The following C2orf80 variants were observed in gnomAD, a reference collection of about 807,000 sequenced individuals.
The protein encoded by C2orf80 is chromosome 2 open reading frame 80.
In C2orf80, 28 loss-of-function variants were observed where a neutral mutation model predicts 30.2. The observed-to-expected ratio is 0.93, with a 90% CI of 0.69 to 1.27. The LOEUF is 1.27. C2orf80 is among the 50% of genes most tolerant of loss of function. The probability of loss-of-function intolerance (pLI) is 0.00; values close to 1 mark genes in which losing one functional copy is unlikely to be tolerated. For synonymous variants in C2orf80, 80 were observed against 76.4 expected, an observed-to-expected ratio of 1.05 and a Z score of -0.24; for missense variants, 220 against 231.0, an observed-to-expected ratio of 0.95 and a Z score of 0.31.
chr2:208,171,522 T>C (rs1696098186), intron 7 of C2orf80, among the ~76,000 whole-genome samples: 1 of 152,180 alleles, frequency 6.6e-6, no homozygotes, highest in Non-Finnish European at 1.5e-5. Context: ...GGTTTCACCG[T>C]GTTGGCCAGG....
chr2:208,183,135 G>A, intron 3 of C2orf80, 88 bp from the exon 4 acceptor site: 2 of 994,470 alleles, frequency 2.0e-6, no homozygotes, highest in East Asian at 2.4e-5. Context: ...GGACTGCTAA[G>A]CCTATTCTAG....
chr2:208,187,194 A>C, intron 1 of C2orf80, 133 bp from the exon 2 acceptor site: 2 of 537,052 alleles, frequency 3.7e-6, no homozygotes. Flanking sequence ...GTTCAGGGTC[A>C]AAAAGCCACC....
chr2:208,165,392 A>G lies in C2orf80; in HGVS notation c.*415T>C, dbSNP rs1464157032. 1.3e-5 allele frequency: 2 copies of G among 159,468 alleles called. No homozygotes were observed. The highest frequency in any genetic ancestry group is 4.8e-5 in the African/African-American group (2 of 41,602). The allele number at this position is 159,468 out of a possible 1,614,324, so 9.9% of individuals were successfully genotyped here. The stretch of plus-strand genomic sequence containing the variant: ...TTGAAATGATTTAAACATTCTTTTC[A>G]TATGAGAACACAGTAAAGGCAATCA... On this transcript the variant is annotated 3_prime_UTR_variant, in exon 9 of 9. Coordinates refer to ENST00000341287, the MANE Select transcript of C2orf80 (RefSeq NM_001099334.3).
At chr2:208,170,804 T>C in intron 8 of C2orf80, 141 bp downstream of exon 8, 2 of 686,860 alleles carry the variant, frequency 2.9e-6, no homozygotes, top group Non-Finnish European at 5.2e-6. Context: ...TTGCCTGATG[T>C]CCCATAGCTG....
At chr2:208,180,575 G>A (rs1696524363) in intron 6 of C2orf80, among the ~76,000 whole-genome samples, 170 bp downstream of exon 6, 1 of 152,088 alleles carries the variant, frequency 6.6e-6, no homozygotes, top group Non-Finnish European at 1.5e-5. Context: ...CATATGAAAG[G>A]CATTTCACAC....
At chr2:208,174,462 G>T (rs114393583) in intron 6 of C2orf80, among the ~76,000 whole-genome samples, 2,539 of 152,270 alleles carry the variant, frequency 0.017, 64 homozygotes, top group African/African-American at 0.058. Flanking sequence ...AGGAAGGAGG[G>T]TGGTCATCCC....
At chr2:208,182,797 T>C (rs886796881) in intron 4 of C2orf80, among the ~76,000 whole-genome samples, 168 bp downstream of exon 4, 5 of 152,202 alleles carry the variant, frequency 3.3e-5, no homozygotes, top group African/African-American at 9.6e-5. Context: ...CTTCTTCAAG[T>C]TGGCAACTGT....
At chr2:208,180,115 A>G (rs183424555) in intron 6 of C2orf80, among the ~76,000 whole-genome samples, 216 of 152,266 alleles carry the variant, frequency 1.4e-3, no homozygotes, top group African/African-American at 4.9e-3. Flanking sequence ...GACCTACCAG[A>G]TCTACATTAC....
intron 2 of C2orf80, among the ~76,000 whole-genome samples, chr2:208,185,346 T>C (rs1175070166): frequency 1.3e-5 from 2 of 152,194 alleles, no homozygotes; most frequent in African/African-American, 4.8e-5. Flanking sequence ...CCAAAAGGAT[T>C]GAGACACACT....
chr2:208,177,528 G>T (rs1357170750), intron 6 of C2orf80, among the ~76,000 whole-genome samples: 1 of 151,578 alleles, frequency 6.6e-6, no homozygotes. Context: ...GCAACAATAG[G>T]GAAATTCCAT....
At chr2:208,176,402 C>G (rs1157921898) in intron 6 of C2orf80, among the ~76,000 whole-genome samples, 1 of 152,330 alleles carries the variant, frequency 6.6e-6, no homozygotes, top group Admixed American at 6.5e-5. Context: ...CCTCGAACTC[C>G]TGACCTCAAG....
intron 1 of C2orf80, among the ~76,000 whole-genome samples, chr2:208,188,403 G>A (rs1024255260): frequency 2.0e-5 from 3 of 151,678 alleles, no homozygotes; most frequent in Non-Finnish European, 2.9e-5. Context: ...ACAGGATGGC[G>A]CTGATCTAAA....
intron 6 of C2orf80, among the ~76,000 whole-genome samples, chr2:208,178,740 C>T (rs1696450074): frequency 1.3e-5 from 2 of 151,872 alleles, no homozygotes; most frequent in Admixed American, 1.3e-4. Context: ...ATAGGGAGAC[C>T]CCCATCCCTA....
intron 6 of C2orf80, among the ~76,000 whole-genome samples, chr2:208,178,286 G>C (rs982442595): frequency 2.6e-5 from 4 of 152,132 alleles, no homozygotes; most frequent in African/African-American, 7.2e-5. Flanking sequence ...GGACCAACTA[G>C]TCAGATGTGC....
chr2:208,176,301 G>T (rs1244772159), intron 6 of C2orf80, among the ~76,000 whole-genome samples: 2 of 152,068 alleles, frequency 1.3e-5, no homozygotes, highest in African/African-American at 2.4e-5. Context: ...TCAGCCTCCT[G>T]AGTAGCTGGG....
intron 1 of C2orf80, among the ~76,000 whole-genome samples, chr2:208,187,297 T>A (rs1696746738): frequency 6.6e-6 from 1 of 152,168 alleles, no homozygotes. Flanking sequence ...TACTCTTCCT[T>A]GCAATAATCT....
intron 1 of C2orf80, 171 bp downstream of exon 1, chr2:208,189,782 C>G (rs1696822103): frequency 3.2e-6 from 2 of 620,566 alleles, no homozygotes; most frequent in East Asian, 5.7e-5. Flanking sequence ...TTCATAGAAA[C>G]AATTCCCTAG....
chr2:208,167,781 G>C (rs1033033912), intron 8 of C2orf80, among the ~76,000 whole-genome samples: 1 of 151,566 alleles, frequency 6.6e-6, no homozygotes, highest in Non-Finnish European at 1.5e-5. Context: ...TTGCCATGTT[G>C]TTCAGGCTGG....
At chr2:208,170,123 C>G (rs1696048046) in intron 8 of C2orf80, among the ~76,000 whole-genome samples, 2 of 152,164 alleles carry the variant, frequency 1.3e-5, no homozygotes, top group South Asian at 2.1e-4. Flanking sequence ...TATATCAGTT[C>G]TCAAAGTTCC....
Sources: gnomAD v4.1 joint callset for allele counts (sites outside exome capture counted in the v4.1 genomes callset) on GRCh38, gnomAD v4.1.1 for gene constraint, MANE v1.5 for transcripts, NCBI Gene and HGNC (gene_info 2026-07-23, HGNC 2026-07-21) for gene names.